The following CC2D1B variants were observed in gnomAD, a reference collection of about 807,000 sequenced individuals.
The protein encoded by CC2D1B is coiled-coil and C2 domain containing 1B.
In CC2D1B, 92 loss-of-function variants were observed where a neutral mutation model predicts 110.8. The observed-to-expected ratio is 0.83, with a 90% CI of 0.70 to 0.99. The LOEUF (loss-of-function observed/expected upper bound fraction) is 0.99, where lower values mean the gene tolerates loss of function less well. Ranked by LOEUF, CC2D1B falls within the 50% of genes least tolerant of loss-of-function variation. The pLI, the probability that CC2D1B is intolerant of heterozygous loss-of-function variation, is 0.00. For synonymous variants in CC2D1B, 406 were observed against 429.2 expected (o/e 0.95, Z 0.67); for missense variants, 1,136 against 1,089.0 (o/e 1.04, Z -0.61).
chr1:52,357,018 G>A lies in CC2D1B; in HGVS notation c.1861C>T (p.Leu621Phe). ...CTGCTGACCTCTTGTTGCTCCAGAAGCATTTTTTGCAGCTGGGCATACACC... is the reference window on the plus strand; with the variant it reads ...CTGCTGACCTCTTGTTGCTCCAGAAACATTTTTTGCAGCTGGGCATACACC... ...EEVYAQLQKM[L>F]LEQQEKCLLF... is the part of the protein sequence containing the mutation. Residue 621 changes from leucine to phenylalanine, a missense_variant, in exon 16 of 25, where the codon CTT becomes TTT. Leu to Phe is a conservative substitution (Grantham distance 22). Transcript: ENST00000284376. The A allele has an allele frequency of 6.4e-7, 1 of 1,562,742 alleles. No individual in the cohort carries two copies. The highest frequency in any genetic ancestry group is 2.4e-5 in the East Asian group (1 of 41,998).
At chr1:52,361,338 C>T (rs969544978) in intron 4 of CC2D1B, 175 bp downstream of exon 4, 1 of 1,257,392 alleles carries the variant, frequency 8.0e-7, no homozygotes, top group African/African-American at 1.5e-5. Flanking sequence ...TCCCCAACTG[C>T]AGAGCTTAGA....
intron 2 of CC2D1B, among the ~76,000 whole-genome samples, chr1:52,363,388 C>T (rs1480324158): frequency 1.4e-5 from 2 of 148,100 alleles, no homozygotes; most frequent in African/African-American, 2.5e-5. Flanking sequence ...CAGCGAGACT[C>T]CGTCTCAAAA....
At chr1:52,360,812 C>T (rs1646763715) in intron 5 of CC2D1B, 162 bp downstream of exon 5, 2 of 987,434 alleles carry the variant, frequency 2.0e-6, no homozygotes, top group Non-Finnish European at 1.5e-6. Context: ...AGGCTGGCTG[C>T]CACGGAGGAG....
chr1:52,353,841 T>C (rs1427663289), intron 23 of CC2D1B, 194 bp from the exon 24 acceptor site: 4 of 524,772 alleles, frequency 7.6e-6, no homozygotes, highest in South Asian at 2.7e-5. Context: ...GTGAGTCTTA[T>C]TAAAAAAGTA....
chr1:52,355,919 C>T (rs1342948168), intron 18 of CC2D1B, 75 bp from the exon 19 acceptor site: 23 of 1,468,120 alleles, frequency 1.6e-5, no homozygotes, highest in Non-Finnish European at 2.1e-5. Flanking sequence ...CGTCCAGGGC[C>T]TGTCTGCCCA....
At position 52,362,741 on chromosome 1, in the gene CC2D1B, C is replaced by A. The variant is rs759021392; in HGVS notation, c.75G>T (p.Gly25=). ...CCTCAGGGCCAAACTCCATAAAGAGCCCCATCTGAGAGCAGAGCAGGACTC... is the reference window on the plus strand; with the variant it reads ...CCTCAGGGCCAAACTCCATAAAGAGACCCATCTGAGAGCAGAGCAGGACTC... ...GQGVAAAKQM[G]LFMEFGPEDM... is the part of the protein sequence containing the mutation. Residue 25 remains glycine, a synonymous_variant, in exon 3 of 25, where the codon GGG becomes GGT. Coordinates refer to ENST00000284376, the MANE Select transcript of CC2D1B (RefSeq NM_001330585.2). 1 of 1,613,890 alleles carries A rather than the reference C, an allele frequency of 6.2e-7. No individual in the cohort carries two copies. Among genetic ancestry groups the A allele is most frequent in the African/African-American group, 1.3e-5 (1 of 74,906 alleles).
chr1:52,363,211 G>A (rs912910538), intron 2 of CC2D1B, among the ~76,000 whole-genome samples: 1 of 151,964 alleles, frequency 6.6e-6, no homozygotes, highest in Non-Finnish European at 1.5e-5. Flanking sequence ...TGGCTAACAC[G>A]GTGAAACCCC....
chr1:52,363,691 T>C (rs1386029933), intron 2 of CC2D1B, among the ~76,000 whole-genome samples: 1 of 151,388 alleles, frequency 6.6e-6, no homozygotes, highest in Non-Finnish European at 1.5e-5. Context: ...TTTTTTTTTT[T>C]TTTTTCTGAG....
intron 11 of CC2D1B, 36 bp from the exon 12 acceptor site, chr1:52,358,794 A>G (rs764385312): frequency 1.1e-5 from 17 of 1,577,150 alleles, no homozygotes; most frequent in Admixed American, 2.0e-5. Flanking sequence ...TGTGGTCGGC[A>G]GCAGCCCACA....
chr1:52,353,674 G>T, intron 23 of CC2D1B, 27 bp from the exon 24 acceptor site: 8 of 1,539,328 alleles, frequency 5.2e-6, no homozygotes, highest in African/African-American at 1.4e-5. Context: ...GAGGGAAATG[G>T]TAACTAAGGG....
At position 52,351,925 on chromosome 1, in the gene CC2D1B, G is replaced by A. The variant is rs1276796889; in HGVS notation, c.*1300C>T. 1 of 151,712 alleles carries A rather than the reference G, an allele frequency of 6.6e-6. No homozygotes were observed. The highest frequency in any genetic ancestry group is 1.5e-5 in the Non-Finnish European group (1 of 67,982). 9.4% of individuals were successfully genotyped at this position (151,712 alleles called of 1,614,324 possible). A position where few individuals can be genotyped will look rare whatever the true frequency, so the allele number is the denominator to read the frequency against. On this transcript the variant is annotated 3_prime_UTR_variant, in exon 25 of 25. Coordinates refer to ENST00000284376, the MANE Select transcript of CC2D1B (RefSeq NM_001330585.2). Reference sequence around the variant, plus strand: ...AAAAAATCGGCCAGAGGGCTCATGGGGAAAAAAGTCACTTGTGTGTAGTTC... The same window carrying A: ...AAAAAATCGGCCAGAGGGCTCATGGAGAAAAAAGTCACTTGTGTGTAGTTC...
chr1:52,352,105 C>G lies in CC2D1B; in HGVS notation c.*1120G>C, dbSNP rs992570589. On this transcript the variant is annotated 3_prime_UTR_variant, in exon 25 of 25. Coordinates refer to ENST00000284376, the MANE Select transcript of CC2D1B (RefSeq NM_001330585.2). ...TAAGCTGAATGTATTTGCTTCACTTCTAACCTTTTTTAAAAGTGATCTTGA... is the reference window on the plus strand; with the variant it reads ...TAAGCTGAATGTATTTGCTTCACTTGTAACCTTTTTTAAAAGTGATCTTGA... The G allele has an allele frequency of 6.6e-6, 1 of 151,934 alleles. No individual in the cohort carries two copies. The highest frequency in any genetic ancestry group is 1.5e-5 in the Non-Finnish European group (1 of 68,010). 9.4% of individuals were successfully genotyped at this position (151,934 alleles called of 1,614,324 possible). A position where few individuals can be genotyped will look rare whatever the true frequency, so the allele number is the denominator to read the frequency against.
At chr1:52,356,540 T>A in intron 16 of CC2D1B, 98 bp from the exon 17 acceptor site, 2 of 1,266,814 alleles carry the variant, frequency 1.6e-6, no homozygotes, top group Non-Finnish European at 2.3e-6. Context: ...CTTTCCTCTG[T>A]AGCCTCACCT....
intron 24 of CC2D1B, 59 bp downstream of exon 24, chr1:52,353,457 TGA>T (rs1020773797): frequency 2.6e-6 from 4 of 1,555,528 alleles, no homozygotes; most frequent in African/African-American, 1.4e-5. Context: ...AGATATGAGT[TGA>T]GTAGTTAGTT....
chr1:52,354,629 A>ACACT lies in CC2D1B; in HGVS notation c.2405_2408dup (p.Cys803Ter), dbSNP rs1342864099. ...CTACCTCCACAATTTCTCTGATCTC[A>ACACT]CACTCATTCTCCAGCCGCTCCAGTT... On this transcript the variant is annotated stop_gained and frameshift_variant, in exon 23 of 25. Transcript: ENST00000284376. LOFTEE classifies it high-confidence loss of function. 1.9e-6 allele frequency: 3 copies of ACACT among 1,613,562 alleles called. No homozygotes were observed. Among genetic ancestry groups the ACACT allele is most frequent in the Admixed American group, 1.7e-5 (1 of 59,998 alleles).
Position 52,353,110 on chromosome 1 carries a change from T to C in CC2D1B, c.*115A>G. 9.1e-7 allele frequency: 1 copy of C among 1,095,462 alleles called. No individual in the cohort carries two copies. Among genetic ancestry groups the C allele is most frequent in the Non-Finnish European group, 1.3e-6 (1 of 798,654 alleles). 67.9% of individuals were successfully genotyped at this position (1,095,462 alleles called of 1,614,324 possible). On this transcript the variant is annotated 3_prime_UTR_variant, in exon 25 of 25. Transcript: ENST00000284376. ...GTAGTGCACATGCTTAACAGGTCTT[T>C]GGTGCTTGGGTAGCAGCATCTCTTA...
In CC2D1B at chr1:52,361,594, G is replaced by A. The variant is rs1557554382; in HGVS notation, c.237C>T (p.Ile79=). 5 of 1,613,674 alleles carry A rather than the reference G, an allele frequency of 3.1e-6. No homozygotes were observed. The highest frequency in any genetic ancestry group is 3.3e-4 in the Middle Eastern group (2 of 6,084). The change falls in exon 4 of 25, where the codon ATC becomes ATT. Residue 79 remains isoleucine (I), a synonymous_variant. Transcript: ENST00000284376. ...KGQAPLPMAH[I]EKLAADCMRD... is the part of the protein sequence containing the mutation. Reference sequence around the variant, plus strand: ...GCATACAGTCTGCCGCCAACTTCTCGATGTGGGCCATGGGCAGGGGGGCTG... The same window carrying A: ...GCATACAGTCTGCCGCCAACTTCTCAATGTGGGCCATGGGCAGGGGGGCTG...
intron 16 of CC2D1B, 164 bp downstream of exon 16, chr1:52,356,837 G>A: frequency 1.3e-6 from 1 of 766,432 alleles, no homozygotes; most frequent in South Asian, 1.9e-5. Context: ...TCATAGATGA[G>A]GAAAATGTAG....
intron 23 of CC2D1B, chr1:52,353,976 G>T: frequency 3.5e-6 from 1 of 289,032 alleles, no homozygotes; most frequent in Middle Eastern, 1.2e-3. Context: ...TCACTTCACA[G>T]ATGGCCAAGA....
Sources: gnomAD v4.1 joint callset for allele counts (sites outside exome capture counted in the v4.1 genomes callset) on GRCh38, gnomAD v4.1.1 for gene constraint, MANE v1.5 for transcripts, NCBI Gene and HGNC (gene_info 2026-07-23, HGNC 2026-07-21) for gene names.